The following FAM184B variants were observed in gnomAD, a reference collection of about 807,000 sequenced individuals.
FAM184B encodes the protein protein FAM184B.
In FAM184B, 111 loss-of-function variants were observed where a neutral mutation model predicts 135.9. That is an observed-to-expected ratio of 0.82 (90% CI 0.70 to 0.96). FAM184B has a LOEUF of 0.96. Ranked by LOEUF, FAM184B falls within the 40% of genes least tolerant of loss-of-function variation. The probability of loss-of-function intolerance (pLI) is 0.00; values close to 1 mark genes in which losing one functional copy is unlikely to be tolerated. For missense variants in FAM184B, 1,375 were observed against 1,323.9 expected (o/e 1.04, Z -0.60); for synonymous variants, 552 against 524.8 (o/e 1.05, Z -0.71).
At chr4:17,671,394 C>T (rs1485664504) in intron 7 of FAM184B, among the ~76,000 whole-genome samples, 4 of 152,156 alleles carry the variant, frequency 2.6e-5, no homozygotes, top group Non-Finnish European at 5.9e-5. Flanking sequence ...GAAACTTGGG[C>T]TGGTAGATAC....
intron 1 of FAM184B, among the ~76,000 whole-genome samples, chr4:17,731,293 C>T (rs966528200): frequency 3.9e-5 from 6 of 152,116 alleles, no homozygotes; most frequent in Non-Finnish European, 7.4e-5. Flanking sequence ...AACCAGCTAA[C>T]ATCATAATGA....
chr4:17,635,148 T>C lies in FAM184B; in HGVS notation c.2785-35A>G, dbSNP rs1435639309. On this transcript the variant is annotated intron_variant, in intron 15 of 17. Transcript: ENST00000265018. ...CAATACAACTGAGTCTAAATGAGCC[T>C]AACCACACAGCACTGGGTTTGACTT... The C allele has an allele frequency of 1.6e-5, 24 of 1,486,840 alleles. No homozygotes were observed. The Admixed American group carries it at 4.5e-4, about 28-fold the overall frequency. The allele number at this position is 1,486,840 out of a possible 1,614,324, so 92.1% of individuals were successfully genotyped here.
At chr4:17,661,510 C>A (rs1322774501) in intron 8 of FAM184B, among the ~76,000 whole-genome samples, 1 of 152,204 alleles carries the variant, frequency 6.6e-6, no homozygotes, top group East Asian at 1.9e-4. Context: ...CGAGATCACA[C>A]CTATTGCACT....
chr4:17,747,920 C>CA (rs71167333), intron 1 of FAM184B, among the ~76,000 whole-genome samples: 1,253 of 21,706 alleles, frequency 0.058, 333 homozygotes, highest in African/African-American at 0.14. Context: ...GACTCTGTCT[C>CA]AAAAAAAAAA....
At chr4:17,764,288 G>T (rs1418579608) in intron 1 of FAM184B, among the ~76,000 whole-genome samples, 1 of 152,174 alleles carries the variant, frequency 6.6e-6, no homozygotes, top group East Asian at 1.9e-4. Flanking sequence ...AGAAGGTTGT[G>T]TTTAACCAAA....
chr4:17,637,203 A>G (rs901010793), intron 14 of FAM184B, among the ~76,000 whole-genome samples: 5 of 152,104 alleles, frequency 3.3e-5, no homozygotes, highest in South Asian at 2.1e-4. Context: ...AAATTTTTGT[A>G]TTTTTAGAGG....
At chr4:17,638,535 A>G (rs137930762) in intron 14 of FAM184B, among the ~76,000 whole-genome samples, 2 of 152,176 alleles carry the variant, frequency 1.3e-5, no homozygotes, top group African/African-American at 4.8e-5. Flanking sequence ...TTCTCAGCAG[A>G]ATTTGTGAGC....
Position 17,635,022 on chromosome 4 carries a change from G to T in FAM184B, c.2876C>A (p.Thr959Asn), listed in dbSNP as rs1715080912. The T allele has an allele frequency of 1.3e-6, 2 of 1,551,522 alleles. No individual in the cohort carries two copies. Among genetic ancestry groups the T allele is most frequent in the African/African-American group, 1.4e-5 (1 of 73,150 alleles). ...FSFNPHPGYLTPSMKKKKVED... is the reference protein window; with the variant it reads ...FSFNPHPGYLNPSMKKKKVED... ...GAACCAATTTACCTTCATGGAAGGG[G>T]TCAAATATCCCGGGTGAGGATTGAA... The change falls in exon 16 of 18, where the codon ACC becomes AAC. Residue 959 changes from threonine (T) to asparagine (N), a missense_variant. Physicochemically the swap from Thr to Asn is moderately conservative, Grantham distance 65. Transcript: ENST00000265018.
intron 10 of FAM184B, among the ~76,000 whole-genome samples, chr4:17,654,864 T>C (rs1172603146): frequency 6.6e-6 from 1 of 152,150 alleles, no homozygotes; most frequent in Non-Finnish European, 1.5e-5. Flanking sequence ...TTTCTTTTTC[T>C]TTTTTTGAGA....
chr4:17,657,411 C>T (rs6814465), intron 10 of FAM184B, among the ~76,000 whole-genome samples: 104,184 of 151,428 alleles, frequency 0.69, 36,328 homozygotes, highest in East Asian at 0.93. Context: ...GAATCCCTGG[C>T]ATCGTAGCTC....
intron 5 of FAM184B, among the ~76,000 whole-genome samples, chr4:17,701,388 G>T (rs1318000024): frequency 6.6e-6 from 1 of 152,206 alleles, no homozygotes; most frequent in African/African-American, 2.4e-5. Context: ...TTCTACTCAA[G>T]TTACTTAATT....
intron 5 of FAM184B, among the ~76,000 whole-genome samples, chr4:17,700,402 A>G (rs1399073796): frequency 6.6e-6 from 1 of 152,200 alleles, no homozygotes; most frequent in Non-Finnish European, 1.5e-5. Context: ...CTTCAGGACA[A>G]AAAATATTTC....
intron 10 of FAM184B, among the ~76,000 whole-genome samples, chr4:17,656,378 T>C (rs1460274915): frequency 2.0e-5 from 3 of 151,944 alleles, no homozygotes; most frequent in South Asian, 2.1e-4. Context: ...CGGCAGTCCA[T>C]GTGCATTATT....
intron 11 of FAM184B, among the ~76,000 whole-genome samples, chr4:17,649,509 G>A (rs1016140979): frequency 4.0e-5 from 6 of 151,588 alleles, no homozygotes; most frequent in Admixed American, 6.6e-5. Flanking sequence ...GTGTGAACCC[G>A]GGTGGTGGGA....
At chr4:17,656,495 A>G (rs11733436) in intron 10 of FAM184B, among the ~76,000 whole-genome samples, 94,418 of 151,898 alleles carry the variant, frequency 0.62, 29,789 homozygotes, top group East Asian at 0.89. Flanking sequence ...TCTGCCTCCC[A>G]GGTTCAAGCA....
chr4:17,719,772 C>A (rs576786955), intron 1 of FAM184B, among the ~76,000 whole-genome samples: 1 of 152,180 alleles, frequency 6.6e-6, no homozygotes, highest in Admixed American at 6.5e-5. Context: ...TTCTCAACTT[C>A]CCTATTCCTC....
intron 14 of FAM184B, among the ~76,000 whole-genome samples, chr4:17,638,840 A>G (rs6831115): frequency 0.53 from 80,025 of 151,846 alleles, 23,619 homozygotes; most frequent in East Asian, 0.89. Context: ...AGTTCCCCCC[A>G]CCACACCCCG....
chr4:17,761,812 C>T (rs1444152690), intron 1 of FAM184B, among the ~76,000 whole-genome samples: 1 of 152,204 alleles, frequency 6.6e-6, no homozygotes, highest in Non-Finnish European at 1.5e-5. Flanking sequence ...TGAGTCACCG[C>T]AGCTGACTTT....
At chr4:17,767,412 T>C (rs1283217332) in intron 1 of FAM184B, among the ~76,000 whole-genome samples, 3 of 152,182 alleles carry the variant, frequency 2.0e-5, no homozygotes, top group Admixed American at 1.3e-4. Flanking sequence ...TTTTGGTTCC[T>C]ATGAAAACAG....
Sources: gnomAD v4.1 joint callset for allele counts (sites outside exome capture counted in the v4.1 genomes callset) on GRCh38, gnomAD v4.1.1 for gene constraint, MANE v1.5 for transcripts, NCBI Gene and HGNC (gene_info 2026-07-23, HGNC 2026-07-21) for gene names.